Variants in BIRC6 observed in about 807,000 individuals in gnomAD.
BIRC6 encodes dual E2 ubiquitin-conjugating enzyme/E3 ubiquitin-protein ligase BIRC6.
BIRC6 carries 98 observed loss-of-function variants against 503.3 expected under a neutral mutation model. That is an observed-to-expected ratio of 0.19 (90% CI 0.17 to 0.23). The LOEUF (loss-of-function observed/expected upper bound fraction) is 0.23. Ranked by LOEUF, BIRC6 falls within the 10% of genes least tolerant of loss-of-function variation. The pLI, the probability that BIRC6 is intolerant of heterozygous loss-of-function variation, is 1.00. For missense variants in BIRC6, 5,360 were observed against 5,806.0 expected (o/e 0.92, Z 2.50); for synonymous variants, 2,240 against 2,078.7 (o/e 1.08, Z -2.11).
At chr2:32,486,874 G>T (rs954795496) in intron 40 of BIRC6, among the ~76,000 whole-genome samples, 1 of 152,078 alleles carries the variant, frequency 6.6e-6, no homozygotes, top group Non-Finnish European at 1.5e-5. Flanking sequence ...GCAATATGGG[G>T]ATCCCTTTTG....
intron 50 of BIRC6, 123 bp downstream of exon 50, chr2:32,505,328 A>C: frequency 1.3e-6 from 1 of 774,292 alleles, no homozygotes; most frequent in Non-Finnish European, 2.0e-6. Context: ...GTAACTTCTG[A>C]ACAGTTTTTA....
chr2:32,507,836 A>G lies in BIRC6; in HGVS notation c.9701-144A>G, dbSNP rs143714842. 1,164 of 697,732 alleles carry G rather than the reference A, an allele frequency of 1.7e-3. 13 individuals carry two copies. In the African/African-American group the frequency reaches 0.019, roughly 11 times the overall value. The allele number at this position is 697,732 out of a possible 1,614,324, so 43.2% of individuals were successfully genotyped here. A position where few individuals can be genotyped will look rare whatever the true frequency, so the allele number is the denominator to read the frequency against. ...TTAATTATGGTGAAAGTCATTGTCA[A>G]ACTATATTTTGTTGTATAAGTTTTC... On this transcript the variant is annotated intron_variant, in intron 50 of 73. Coordinates refer to ENST00000421745, the MANE Select transcript of BIRC6 (RefSeq NM_016252.4).
At chr2:32,564,412 A>C (rs977075994) in intron 65 of BIRC6, 1 of 152,168 alleles carries the variant, frequency 6.6e-6, no homozygotes, top group Non-Finnish European at 1.5e-5. Flanking sequence ...AGTTGCAAAA[A>C]TGTTGCAGTG....
chr2:32,586,423 CTTTTTTTTT>C (rs972959083), intron 66 of BIRC6, among the ~76,000 whole-genome samples: 5 of 70,944 alleles, frequency 7.0e-5, no homozygotes, highest in Non-Finnish European at 1.0e-4. Flanking sequence ...TCAAGCAGTC[CTTTTTTTTT>C]TTTTTTTTTT....
In BIRC6 at chr2:32,377,145, A is replaced by G. The variant is rs75319921; in HGVS notation, c.326-443A>G. Among the ~76,000 whole-genome samples, 381 of 152,186 alleles carry G rather than the reference A, an allele frequency of 2.5e-3. 6 individuals are homozygous for G. The highest frequency in any genetic ancestry group is 9.0e-3 in the African/African-American group (373 of 41,528). ...AGAATGTTACAAAGAACTTCCCTAT[A>G]TACCCTTTACCCAGCTCTACTAGTT... is the stretch of plus-strand genomic sequence containing the variant. On this transcript the variant is annotated intron_variant, in intron 1 of 73. Transcript: ENST00000421745.
chr2:32,523,645 A>T (rs1236191849), intron 57 of BIRC6: 1 of 152,248 alleles, frequency 6.6e-6, no homozygotes, highest in Non-Finnish European at 1.5e-5. Context: ...AATCACTTTC[A>T]TATACTAAAA....
chr2:32,535,843 A>G (rs1277767804), intron 61 of BIRC6, among the ~76,000 whole-genome samples: 1 of 152,232 alleles, frequency 6.6e-6, no homozygotes, highest in Admixed American at 6.5e-5. Context: ...GCTGGGTCGA[A>G]TGGTATTTCT....
rs542282943 is a variant in BIRC6, at chr2:32,512,849, C to T, written c.10347-84C>T. ...GCATTATTCTCATAAATACCCTACT[C>T]ACCATGCAGAGATGGTATTTATCTA... On this transcript the variant is annotated intron_variant, in intron 53 of 73. Transcript: ENST00000421745. The T allele has an allele frequency of 6.8e-5, 66 of 973,466 alleles. No individual in the cohort carries two copies. The African/African-American group carries it at 8.7e-4, about 13-fold the overall frequency. The allele number at this position is 973,466 out of a possible 1,614,324, so 60.3% of individuals were successfully genotyped here. A position where few individuals can be genotyped will look rare whatever the true frequency, so the allele number is the denominator to read the frequency against.
At position 32,496,891 on chromosome 2, in the gene BIRC6, G is replaced by A. The variant is rs970113432; in HGVS notation, c.8469-2656G>A. ...CCCCTCCCCCCATCCAGTTGTACTC[G>A]TTCGGACTTCAAGTATGCTGTTGAG... On this transcript the variant is annotated intron_variant, in intron 45 of 73. Transcript: ENST00000421745. 3.3e-5 allele frequency among the ~76,000 whole-genome samples: 5 copies of A among 152,056 alleles called. No individual in the cohort carries two copies. In the South Asian group the frequency reaches 6.2e-4, roughly 19 times the overall value.
At chr2:32,462,019 G>A (rs1342277251) in intron 23 of BIRC6, among the ~76,000 whole-genome samples, 1 of 151,298 alleles carries the variant, frequency 6.6e-6, no homozygotes, top group Non-Finnish European at 1.5e-5. Flanking sequence ...TAATTTCTCT[G>A]AGCCTTCTTT....
chr2:32,385,921 A>G (rs1007001102), intron 3 of BIRC6, among the ~76,000 whole-genome samples: 1 of 152,168 alleles, frequency 6.6e-6, no homozygotes, highest in Non-Finnish European at 1.5e-5. Flanking sequence ...TGGAGGGAAT[A>G]TCCTGACATG....
At chr2:32,539,536 C>T (rs1393750313) in intron 61 of BIRC6, among the ~76,000 whole-genome samples, 1 of 152,084 alleles carries the variant, frequency 6.6e-6, no homozygotes, top group African/African-American at 2.4e-5. Flanking sequence ...ATCTAGAAAA[C>T]CTCAAATATG....
At chr2:32,558,616 C>CA (rs1302062072) in intron 65 of BIRC6, 4 of 152,110 alleles carry the variant, frequency 2.6e-5, no homozygotes. Context: ...TACTAAATGT[C>CA]AGAGTTTTAA....
At chr2:32,483,876 T>A (rs2050690598) in intron 39 of BIRC6, among the ~76,000 whole-genome samples, 1 of 152,234 alleles carries the variant, frequency 6.6e-6, no homozygotes, top group East Asian at 1.9e-4. Flanking sequence ...TGATGTTAAG[T>A]TTAACCACTT....
intron 14 of BIRC6, 72 bp from the exon 15 acceptor site, chr2:32,435,981 T>A (rs1387385025): frequency 4.4e-6 from 4 of 901,364 alleles, no homozygotes; most frequent in Middle Eastern, 3.5e-4. Flanking sequence ...GTAAATGGGA[T>A]GATATTTGCT....
chr2:32,494,342 C>T (rs1045999925), intron 45 of BIRC6, among the ~76,000 whole-genome samples: 5 of 151,922 alleles, frequency 3.3e-5, no homozygotes, highest in Admixed American at 6.6e-5. Context: ...ATTCTCATGC[C>T]TCAGCCTCCC....
intron 43 of BIRC6, among the ~76,000 whole-genome samples, chr2:32,490,824 G>C (rs1359612029): frequency 6.6e-6 from 1 of 151,426 alleles, no homozygotes; most frequent in Non-Finnish European, 1.5e-5. Flanking sequence ...TAGATTCCTG[G>C]GTTTTGTTTA....
chr2:32,447,311 A>G (rs2046108435), intron 21 of BIRC6, among the ~76,000 whole-genome samples: 3 of 147,278 alleles, frequency 2.0e-5, no homozygotes, highest in Admixed American at 6.7e-5. Flanking sequence ...GGGGCTCCTC[A>G]CTTCCCAGTA....
intron 32 of BIRC6, chr2:32,472,904 A>G: frequency 2.5e-6 from 1 of 395,916 alleles, no homozygotes; most frequent in South Asian, 4.7e-5. Context: ...TGGTTTTAAA[A>G]TGATTTAGGG....
Sources: allele counts gnomAD v4.1 joint callset (sites outside exome capture counted in the v4.1 genomes callset), GRCh38; gene constraint gnomAD v4.1.1; transcripts MANE v1.5; gene names NCBI Gene and HGNC (gene_info 2026-07-23, HGNC 2026-07-21).